Variants in KIF1C observed in about 807,000 individuals in gnomAD.
KIF1C encodes kinesin family member 1C.
Under a neutral mutation model 126.5 loss-of-function variants are expected in KIF1C, and 61 were observed. The ratio of observed to expected loss-of-function variants is 0.48; its 90% CI spans 0.39 to 0.60. The LOEUF (loss-of-function observed/expected upper bound fraction) is 0.60. KIF1C is among the 20% of genes least tolerant of loss of function. KIF1C has a pLI of 0.00. For synonymous variants in KIF1C, 640 were observed against 580.6 expected (o/e 1.10, Z -1.47); for missense variants, 1,315 against 1,489.2 (o/e 0.88, Z 1.93).
chr17:5,012,800 G>A (rs1332190956), intron 16 of KIF1C, among the ~76,000 whole-genome samples: 4 of 152,186 alleles, frequency 2.6e-5, no homozygotes, highest in African/African-American at 4.8e-5. Flanking sequence ...CAGAGGCAGC[G>A]TCGCCTGTAC....
rs369104354 is a variant in KIF1C at position 5,007,354 on chromosome 17, G to A, written c.1415+12G>A. 2.0e-5 allele frequency: 33 copies of A among 1,613,178 alleles called. No homozygotes were observed. The African/African-American group carries it at 2.7e-4, about 13-fold the overall frequency. On this transcript the variant is annotated intron_variant, in intron 15 of 22. Transcript: ENST00000320785. ...CTGAGGATGGAGAGGTGTGAGGGCC[G>A]ACAGTTGGGGTCCTGGGTGGAGTTG...
Position 5,003,704 on chromosome 17 carries a change from G to GGTT in KIF1C, c.798+15_798+16insGTT. On this transcript the variant is annotated intron_variant, in intron 9 of 22. Transcript: ENST00000320785. ...TGCGCCTGAAGGTGAGGGGCCTTCAGAGGGTGGTTTGTTGTGGGGCAGTGT... is the reference window on the plus strand; with the variant it reads ...TGCGCCTGAAGGTGAGGGGCCTTCAGGTTAGGGTGGTTTGTTGTGGGGCAGTGT... 6.2e-7 allele frequency: 1 copy of GGTT among 1,611,762 alleles called. No individual in the cohort carries two copies.
chr17:5,007,533 T>G lies in KIF1C; in HGVS notation c.1482T>G (p.Ser494=). Residue 494 remains serine, a synonymous_variant, in exon 16 of 23, where the codon TCT becomes TCG. Transcript: ENST00000320785. ...REDGGTVGVF[S]PKKTPHLVNL... is the part of the protein sequence containing the mutation. Reference sequence around the variant, plus strand: ...ATGGGGGAACTGTGGGCGTCTTCTCTCCAAAGAAGGTGAGTGAGGAATCGA... The same window carrying G: ...ATGGGGGAACTGTGGGCGTCTTCTCGCCAAAGAAGGTGAGTGAGGAATCGA... The G allele has an allele frequency of 6.4e-7, 1 of 1,553,252 alleles. No homozygotes were observed. Among genetic ancestry groups the G allele is most frequent in the Non-Finnish European group, 8.7e-7 (1 of 1,151,140 alleles).
At chr17:5,008,521 A>G (rs1045783137) in intron 16 of KIF1C, among the ~76,000 whole-genome samples, 1 of 152,224 alleles carries the variant, frequency 6.6e-6, no homozygotes, top group African/African-American at 2.4e-5. Flanking sequence ...AGACAGTGTC[A>G]CTGGGGGCTG....
chr17:5,000,824 C>T lies in KIF1C; in HGVS notation c.159C>T (p.Asp53=). Residue 53 remains aspartate (D), a synonymous_variant, in exon 4 of 23, where the codon GAC becomes GAT. Coordinates refer to ENST00000320785, the MANE Select transcript of KIF1C (RefSeq NM_006612.6). The stretch of plus-strand genomic sequence containing the variant: ...ATGCCCCCAAAAGCTTCACCTTTGA[C>T]TACTCCTACTGGTCACACACTTCGG... ...SKDAPKSFTF[D]YSYWSHTSTE... 3.1e-6 allele frequency: 5 copies of T among 1,614,076 alleles called. No individual in the cohort carries two copies.
intron 16 of KIF1C, among the ~76,000 whole-genome samples, chr17:5,011,227 G>C (rs1401712807): frequency 1.3e-5 from 2 of 152,152 alleles, no homozygotes; most frequent in Non-Finnish European, 2.9e-5. Flanking sequence ...AATGGGTTTG[G>C]TGTGAGTAGC....
In KIF1C at chr17:5,021,169, G is replaced by GTTTTTT. The variant is rs765920431; in HGVS notation, c.2010+309_2010+314dup. ...CTGTGTTGGTATTAAGATTGTTGTG[G>GTTTTTT]TTTTTTTTTTTTTTTTTTTTTTTGG... On this transcript the variant is annotated intron_variant, in intron 21 of 22. Coordinates refer to ENST00000320785, the MANE Select transcript of KIF1C (RefSeq NM_006612.6). Among the ~76,000 whole-genome samples, 22 of 77,394 alleles carry GTTTTTT rather than the reference G, an allele frequency of 2.8e-4. 1 individual carries two copies. Among genetic ancestry groups the GTTTTTT allele is most frequent in the African/African-American group, 7.1e-4 (14 of 19,582 alleles). 50.8% of individuals were successfully genotyped at this position (77,394 alleles called of 152,430 possible).
chr17:5,024,216 C>G lies in KIF1C; in HGVS notation c.*65C>G. The G allele has an allele frequency of 1.7e-6, 2 of 1,180,080 alleles. No homozygotes were observed. Among genetic ancestry groups the G allele is most frequent in the Non-Finnish European group, 2.4e-6 (2 of 824,972 alleles). 73.1% of individuals were successfully genotyped at this position (1,180,080 alleles called of 1,614,324 possible). On this transcript the variant is annotated 3_prime_UTR_variant, in exon 23 of 23. Coordinates refer to ENST00000320785, the MANE Select transcript of KIF1C (RefSeq NM_006612.6). Reference sequence around the variant, plus strand: ...CTAGGAGAAGGGAAGACGCCCGAGACGCTGCTTCCCCAGAAGTGCTGGGGC... The same window carrying G: ...CTAGGAGAAGGGAAGACGCCCGAGAGGCTGCTTCCCCAGAAGTGCTGGGGC...
intron 16 of KIF1C, among the ~76,000 whole-genome samples, chr17:5,012,314 G>C (rs1974883674): frequency 6.6e-6 from 1 of 151,686 alleles, no homozygotes; most frequent in Non-Finnish European, 1.5e-5. Context: ...GGAGGAAGTT[G>C]CATTTCAGAC....
Position 5,022,055 on chromosome 17 carries a change from C to G in KIF1C, c.2011-37C>G. On this transcript the variant is annotated intron_variant, in intron 21 of 22. Transcript: ENST00000320785. The surrounding 1 kb of genome is among the most constrained non-coding windows in gnomAD (Gnocchi z 4.9). ...CCAAGACACATGGGCTCTGGATGTC[C>G]TTAGCCCTCTCTTCCTCTTTCTTTC... The G allele has an allele frequency of 6.4e-7, 1 of 1,563,586 alleles. No homozygotes were observed. Among genetic ancestry groups the G allele is most frequent in the Non-Finnish European group, 8.7e-7 (1 of 1,153,454 alleles).
rs1337912749 is a variant in KIF1C at position 5,000,328 on chromosome 17, G to A, written c.82G>A (p.Val28Ile). The stretch of plus-strand genomic sequence containing the variant: ...GACCAGCCAGGATGCCAAGTGTGTG[G>A]TCAGCATGCAGGGCAACACCACCTG... ...RETSQDAKCVVSMQGNTTSII... is the reference protein window; with the variant it reads ...RETSQDAKCVISMQGNTTSII... The change falls in exon 3 of 23, where the codon GTC (valine) becomes ATC (isoleucine). Residue 28 changes from valine (V) to isoleucine (I), a missense_variant. Around this residue, in one of 2 missense-constraint regions of KIF1C, gnomAD observed 874 missense variants for 1,053.2 expected, o/e 0.83. Transcript: ENST00000320785. The A allele has an allele frequency of 2.5e-6, 4 of 1,591,148 alleles. No individual in the cohort carries two copies. In the African/African-American group the frequency reaches 5.4e-5, roughly 21 times the overall value.
At position 5,023,430 on chromosome 17, in the gene KIF1C, C is replaced by T. The variant is rs1975133784; in HGVS notation, c.2629-38C>T. ...CACATGTCCTGAGGATTCAGCTCTC[C>T]TCACATCCCTTCTCCTTTTCTCACT... is the stretch of plus-strand genomic sequence containing the variant. On this transcript the variant is annotated intron_variant, in intron 22 of 22. Coordinates refer to ENST00000320785, the MANE Select transcript of KIF1C (RefSeq NM_006612.6). This position sits in a 1 kb window ranked among gnomAD's most constrained non-coding sequence, Gnocchi z 4.2. 1 of 1,570,220 alleles carries T rather than the reference C, an allele frequency of 6.4e-7. No homozygotes were observed. Among genetic ancestry groups the T allele is most frequent in the Admixed American group, 1.7e-5 (1 of 58,426 alleles).
chr17:4,999,215 T>C (rs1974497710), intron 1 of KIF1C, among the ~76,000 whole-genome samples: 1 of 152,192 alleles, frequency 6.6e-6, no homozygotes, highest in African/African-American at 2.4e-5. Context: ...TCCTGGGCCC[T>C]ACCTACAGTC....
intron 16 of KIF1C, among the ~76,000 whole-genome samples, chr17:5,009,193 T>A (rs1472849585): frequency 6.6e-6 from 1 of 151,742 alleles, no homozygotes; most frequent in East Asian, 1.9e-4. Context: ...GTTCTTTTTT[T>A]TTTTGAGACG....
At chr17:5,014,020 G>A (rs1207659407) in intron 17 of KIF1C, among the ~76,000 whole-genome samples, 1 of 152,218 alleles carries the variant, frequency 6.6e-6, no homozygotes, top group Non-Finnish European at 1.5e-5. Context: ...TGATGCCATT[G>A]CCTTGGCCTC....
At chr17:5,019,839 C>G (rs1975050672) in intron 18 of KIF1C, 157 bp from the exon 19 acceptor site, 1 of 633,556 alleles carries the variant, frequency 1.6e-6, no homozygotes, top group Admixed American at 2.6e-5. Flanking sequence ...CCCGTGCTGC[C>G]TGCCACCAGA....
rs373204141 is a variant in KIF1C at position 5,003,606 on chromosome 17, C to A, written c.721-6C>A. On this transcript the variant is annotated splice_region_variant and splice_polypyrimidine_tract_variant and intron_variant, in intron 8 of 22. Coordinates refer to ENST00000320785, the MANE Select transcript of KIF1C (RefSeq NM_006612.6). ...CTTATCTCCTGCCTGTTTCCTCTGA[C>A]CCCAGGTCAGTAAGATCAGTTTGGT... 6.2e-6 allele frequency: 10 copies of A among 1,609,870 alleles called. No homozygotes were observed. The highest frequency in any genetic ancestry group is 2.2e-5 in the East Asian group (1 of 44,828).
At chr17:5,021,941 C>T (rs1597863544) in intron 21 of KIF1C, 151 bp from the exon 22 acceptor site, 5 of 799,164 alleles carry the variant, frequency 6.3e-6, no homozygotes, top group Non-Finnish European at 7.9e-6. Context: ...GTTAAGCAGT[C>T]TGCCCAAGGG....
intron 21 of KIF1C, among the ~76,000 whole-genome samples, chr17:5,021,419 G>A (rs866741705): frequency 6.6e-6 from 1 of 151,530 alleles, no homozygotes; most frequent in African/African-American, 2.4e-5. Context: ...CAGGTGATCC[G>A]CCTGCCTCAG....
Sources: gnomAD v4.1 joint callset for allele counts (sites outside exome capture counted in the v4.1 genomes callset) on GRCh38, gnomAD v4.1.1 for gene constraint, gnomAD v4.1.1 regional missense constraint, Gnocchi (gnomAD v3.1) non-coding constraint, MANE v1.5 for transcripts, NCBI Gene and HGNC (gene_info 2026-07-23, HGNC 2026-07-21) for gene names.